The following SLC12A5 variants were observed in gnomAD, a reference collection of about 807,000 sequenced individuals.
The protein encoded by SLC12A5 is K-Cl cotransporter 2.
In SLC12A5, 18 loss-of-function variants were observed where a neutral mutation model predicts 124.0. The observed-to-expected ratio is 0.15, with a 90% CI of 0.10 to 0.22. SLC12A5 has a LOEUF of 0.22. SLC12A5 is among the 10% of genes least tolerant of loss of function. The pLI is 1.00. For synonymous variants in SLC12A5, 589 were observed against 568.0 expected (o/e 1.04, Z -0.53); for missense variants, 867 against 1,478.7 (o/e 0.59, Z 6.78).
rs535062228 is a variant in SLC12A5 at position 46,029,248 on chromosome 20, A to C, written c.-97A>C. On this transcript the variant is annotated 5_prime_UTR_variant, in exon 1 of 26. Transcript: ENST00000243964. The stretch of plus-strand genomic sequence containing the variant: ...TTCTTCCTCCGTGGAGCGGAGAGCG[A>C]GACAGAGCTACAGCGAACGAGAGAG... The C allele has an allele frequency of 1.7e-4, 251 of 1,469,998 alleles. No homozygotes were observed. The highest frequency in any genetic ancestry group is 2.2e-4 in the Non-Finnish European group (240 of 1,110,010). 91.1% of individuals were successfully genotyped at this position (1,469,998 alleles called of 1,614,324 possible).
In SLC12A5 at chr20:46,059,937, T is replaced by C; in HGVS notation, c.*2332T>C. The C allele has an allele frequency of 3.5e-6, 1 of 284,368 alleles. No individual in the cohort carries two copies. Among genetic ancestry groups the C allele is most frequent in the Non-Finnish European group, 6.5e-6 (1 of 153,922 alleles). 17.6% of individuals were successfully genotyped at this position (284,368 alleles called of 1,614,324 possible). On this transcript the variant is annotated 3_prime_UTR_variant, in exon 26 of 26. Coordinates refer to ENST00000243964, the MANE Select transcript of SLC12A5 (RefSeq NM_020708.5). ...TTATTACTATTACTGCTATTATTAT[T>C]AGGCCTGCCTTTAATTTTCAGTGTA...
At chr20:46,043,529 A>G in intron 9 of SLC12A5, 104 bp from the exon 10 acceptor site, 3 of 1,283,550 alleles carry the variant, frequency 2.3e-6, no homozygotes, top group East Asian at 4.6e-5. Context: ...GTATGTTAGG[A>G]CTAGATCCCA....
rs200965608 is a variant in SLC12A5 at position 46,037,224 on chromosome 20, C to A, written c.482-31C>A. The A allele has an allele frequency of 2.5e-3, 3,948 of 1,571,016 alleles. 12 individuals are homozygous for A. Among genetic ancestry groups the A allele is most frequent in the Non-Finnish European group, 3.0e-3 (3,460 of 1,156,858 alleles). ...CCTTACGGCAGCCCAGTGCCCCCGA[C>A]CCTCTCGCTGATACCAGATTCTCCC... On this transcript the variant is annotated intron_variant, in intron 5 of 25. Coordinates refer to ENST00000243964, the MANE Select transcript of SLC12A5 (RefSeq NM_020708.5).
In SLC12A5 at chr20:46,053,730, G is replaced by C; in HGVS notation, c.2679+21G>C. On this transcript the variant is annotated intron_variant, in intron 20 of 25. Transcript: ENST00000243964. This position sits in a 1 kb window ranked among gnomAD's most constrained non-coding sequence, Gnocchi z 4.7. ...AGATGGTGAGTCCCCAGGAGACACC[G>C]CTGGGGTTCCACCTGGCCCTCTTTC... 1 of 1,548,604 alleles carries C rather than the reference G, an allele frequency of 6.5e-7. No individual in the cohort carries two copies.
chr20:46,046,095 A>C, intron 13 of SLC12A5, 99 bp downstream of exon 13: 1 of 1,142,826 alleles, frequency 8.8e-7, no homozygotes, highest in Non-Finnish European at 1.3e-6. Flanking sequence ...ACACTTTAGC[A>C]ACCCCAGGAA....
chr20:46,044,950 G>A lies in SLC12A5; in HGVS notation c.1395-16G>A. On this transcript the variant is annotated splice_polypyrimidine_tract_variant and intron_variant, in intron 11 of 25. Transcript: ENST00000243964. Reference sequence around the variant, plus strand: ...CAGCACTGCTCACCTGGCATCTCCTGTCCACATCATTCCAGGTTTGGCGAA... The same window carrying A: ...CAGCACTGCTCACCTGGCATCTCCTATCCACATCATTCCAGGTTTGGCGAA... 1 of 1,614,170 alleles carries A rather than the reference G, an allele frequency of 6.2e-7. No individual in the cohort carries two copies. The highest frequency in any genetic ancestry group is 8.5e-7 in the Non-Finnish European group (1 of 1,180,004).
chr20:46,044,848 C>A, intron 11 of SLC12A5, 118 bp from the exon 12 acceptor site: 1 of 1,110,906 alleles, frequency 9.0e-7, no homozygotes, highest in Non-Finnish European at 1.3e-6. Context: ...CCCCTGTCAC[C>A]CTTACAGAAC....
chr20:46,054,427 G>A (rs753876609), intron 20 of SLC12A5, among the ~76,000 whole-genome samples: 5 of 152,152 alleles, frequency 3.3e-5, no homozygotes, highest in East Asian at 1.9e-4. Flanking sequence ...GCTCTAGAGC[G>A]TGTGCCCCTG....
At chr20:46,034,667 A>G (rs930897234) in intron 1 of SLC12A5, among the ~76,000 whole-genome samples, 1 of 152,158 alleles carries the variant, frequency 6.6e-6, no homozygotes, top group Non-Finnish European at 1.5e-5. Flanking sequence ...ATAGTTAAGA[A>G]GGAAACTCTG....
intron 6 of SLC12A5, among the ~76,000 whole-genome samples, chr20:46,039,667 C>T (rs573859270): frequency 3.9e-4 from 60 of 152,082 alleles, no homozygotes; most frequent in African/African-American, 1.3e-3. Flanking sequence ...CCCAGCTACT[C>T]GGGAGGCTGA....
intron 1 of SLC12A5, among the ~76,000 whole-genome samples, chr20:46,032,073 CG>C (rs1568857066): frequency 6.6e-6 from 1 of 152,246 alleles, no homozygotes; most frequent in Non-Finnish European, 1.5e-5. Context: ...CCTACCTAGC[CG>C]CCCTCTCCCC....
At chr20:46,040,738 C>T in intron 7 of SLC12A5, 124 bp downstream of exon 7, 1 of 1,437,020 alleles carries the variant, frequency 7.0e-7, no homozygotes, top group Non-Finnish European at 9.4e-7. Context: ...TTGGGAGTAG[C>T]TTCCCTTGGG....
intron 13 of SLC12A5, 145 bp downstream of exon 13, chr20:46,046,141 T>C: frequency 1.1e-6 from 1 of 890,270 alleles, no homozygotes; most frequent in Non-Finnish European, 1.8e-6. Flanking sequence ...TCGTTTGTTA[T>C]AGAGAGATTC....
Position 46,029,322 on chromosome 20 carries a change from G to T in SLC12A5, c.-23G>T. On this transcript the variant is annotated 5_prime_UTR_variant, in exon 1 of 26. Coordinates refer to ENST00000243964, the MANE Select transcript of SLC12A5 (RefSeq NM_020708.5). Reference sequence around the variant, plus strand: ...CGGGCGAGGCGGCGCAGCCATCCCCGGACCAGGGGCCGCGCCGCCACCATG... The same window carrying T: ...CGGGCGAGGCGGCGCAGCCATCCCCTGACCAGGGGCCGCGCCGCCACCATG... The T allele has an allele frequency of 6.7e-7, 1 of 1,487,636 alleles. No individual in the cohort carries two copies. The highest frequency in any genetic ancestry group is 9.0e-7 in the Non-Finnish European group (1 of 1,111,920). 92.2% of individuals were successfully genotyped at this position (1,487,636 alleles called of 1,614,324 possible).
chr20:46,036,913 G>T (rs1308271787), intron 5 of SLC12A5, 118 bp downstream of exon 5: 3 of 1,344,150 alleles, frequency 2.2e-6, no homozygotes, highest in Non-Finnish European at 3.1e-6. Context: ...AGGGGGCTGG[G>T]CTGTATCTGT....
Position 46,057,039 on chromosome 20 carries a change from G to A in SLC12A5, c.3125+128G>A, listed in dbSNP as rs1280381111. 8.2e-6 allele frequency: 13 copies of A among 1,588,500 alleles called. No individual in the cohort carries two copies. Among genetic ancestry groups the A allele is most frequent in the African/African-American group, 1.3e-5 (1 of 74,178 alleles). On this transcript the variant is annotated intron_variant, in intron 24 of 25. Coordinates refer to ENST00000243964, the MANE Select transcript of SLC12A5 (RefSeq NM_020708.5). The surrounding 1 kb of genome is among the most constrained non-coding windows in gnomAD (Gnocchi z 7.1). ...TCTCTGAATAGCCTAGCCTGGAGAT[G>A]TTTAGGATTGGTGGTCCTAGGCTTG... is the stretch of plus-strand genomic sequence containing the variant.
Position 46,056,601 on chromosome 20 carries a change from G to T in SLC12A5, c.3110+37G>T. 2 of 1,590,706 alleles carry T rather than the reference G, an allele frequency of 1.3e-6. No homozygotes were observed. The highest frequency in any genetic ancestry group is 1.1e-5 in the South Asian group (1 of 88,682). On this transcript the variant is annotated intron_variant, in intron 23 of 25. Coordinates refer to ENST00000243964, the MANE Select transcript of SLC12A5 (RefSeq NM_020708.5). The surrounding 1 kb of genome is among the most constrained non-coding windows in gnomAD (Gnocchi z 4.3). ...GGGGCTAAGGGCTGGGGGCTGGGGT[G>T]AGCTAAAGGGTCTTGCTCCCCATGG... is the stretch of plus-strand genomic sequence containing the variant.
Position 46,058,513 on chromosome 20 carries a change from T to G in SLC12A5, c.*908T>G, listed in dbSNP as rs1024496245. 5.0e-6 allele frequency: 2 copies of G among 399,114 alleles called. No homozygotes were observed. Among genetic ancestry groups the G allele is most frequent in the Non-Finnish European group, 8.8e-6 (2 of 226,146 alleles). The allele number at this position is 399,114 out of a possible 1,614,324, so 24.7% of individuals were successfully genotyped here. On this transcript the variant is annotated 3_prime_UTR_variant, in exon 26 of 26. Coordinates refer to ENST00000243964, the MANE Select transcript of SLC12A5 (RefSeq NM_020708.5). The surrounding 1 kb of genome is among the most constrained non-coding windows in gnomAD (Gnocchi z 5.8). ...AGCAACCTCTTCTCATCGGCTCTTA[T>G]GCAAGTTGGGGCCAGGATAGGGGAG...
At chr20:46,054,029 G>A (rs113956412) in intron 20 of SLC12A5, among the ~76,000 whole-genome samples, 2 of 152,176 alleles carry the variant, frequency 1.3e-5, no homozygotes, top group African/African-American at 4.8e-5. Flanking sequence ...GTACAGTCAC[G>A]TATTCATTGC....
Sources: gnomAD v4.1 joint callset for allele counts (sites outside exome capture counted in the v4.1 genomes callset) on GRCh38, gnomAD v4.1.1 for gene constraint, Gnocchi (gnomAD v3.1) non-coding constraint, MANE v1.5 for transcripts, NCBI Gene and HGNC (gene_info 2026-07-23, HGNC 2026-07-21) for gene names.